The following FGF12 variants were observed in gnomAD, a reference collection of about 807,000 sequenced individuals.
FGF12 encodes fibroblast growth factor 12.
Under a neutral mutation model 23.6 loss-of-function variants are expected in FGF12, and 14 were observed. The observed-to-expected ratio is 0.59, with a 90% CI of 0.39 to 0.93. The LOEUF is 0.93. Among genes scored for constraint, FGF12 ranks in the 40% least tolerant of loss-of-function variants. The pLI is 0.00. For synonymous variants in FGF12, 62 were observed against 77.3 expected, an observed-to-expected ratio of 0.80 and a Z score of 1.04; for missense variants, 175 against 217.8, an observed-to-expected ratio of 0.80 and a Z score of 1.24.
At chr3:192,670,520 G>A (rs1717071764) in intron 2 of FGF12, among the ~76,000 whole-genome samples, 1 of 151,592 alleles carries the variant, frequency 6.6e-6, no homozygotes, top group African/African-American at 2.4e-5. Context: ...TAATAATAAT[G>A]TTGTGAATAA....
intron 2 of FGF12, among the ~76,000 whole-genome samples, chr3:192,671,194 T>TGCAGA (rs923750710): frequency 1.3e-5 from 2 of 152,366 alleles, no homozygotes; most frequent in Non-Finnish European, 2.9e-5. Flanking sequence ...TAGATTATCC[T>TGCAGA]GCAGAGCTTT....
intron 4 of FGF12, among the ~76,000 whole-genome samples, chr3:192,217,849 T>G (rs987899429): frequency 6.6e-6 from 1 of 152,094 alleles, no homozygotes; most frequent in African/African-American, 2.4e-5. Flanking sequence ...CTTTTCTTTT[T>G]TTTTTAGATG....
intron 2 of FGF12, among the ~76,000 whole-genome samples, chr3:192,667,028 T>A (rs1716910290): frequency 6.6e-6 from 1 of 152,030 alleles, no homozygotes; most frequent in South Asian, 2.1e-4. Flanking sequence ...AGGAAAAAAA[T>A]CATGATTCAA....
chr3:192,626,720 C>G (rs1715183421), intron 2 of FGF12, among the ~76,000 whole-genome samples: 3 of 152,134 alleles, frequency 2.0e-5, no homozygotes, highest in Non-Finnish European at 2.9e-5. Context: ...TCAAACGGTC[C>G]TCCCACCTCA....
chr3:192,654,822 A>C lies in FGF12; in HGVS notation c.13+72359T>G, dbSNP rs563284110. 2.6e-5 allele frequency among the ~76,000 whole-genome samples: 4 copies of C among 152,266 alleles called. No homozygotes were observed. In the South Asian group the frequency reaches 8.3e-4, roughly 32 times the overall value. ...TATATTCAACAGAAAGAGTGTCCTC[A>C]TGATATTTCTCTGATAAATGCTAGC... On this transcript the variant is annotated intron_variant, in intron 2 of 5. Transcript: ENST00000445105.
intron 2 of FGF12, among the ~76,000 whole-genome samples, chr3:192,640,795 TTTTGTTTGTTTGTTTG>T (rs139763676): frequency 2.7e-5 from 4 of 150,014 alleles, no homozygotes; most frequent in African/African-American, 7.4e-5. Flanking sequence ...AACCCCTTTT[TTTTGTTTGTTTGTTTG>T]TTTGTTTGTT....
intron 4 of FGF12, among the ~76,000 whole-genome samples, chr3:192,296,268 G>A (rs1483965484): frequency 4.7e-5 from 7 of 149,114 alleles, no homozygotes; most frequent in African/African-American, 1.5e-4. Flanking sequence ...CTGTCACCCA[G>A]GCTGGAGTGC....
intron 3 of FGF12, among the ~76,000 whole-genome samples, chr3:192,337,839 A>C (rs1476968464): frequency 6.6e-6 from 1 of 152,204 alleles, no homozygotes; most frequent in Non-Finnish European, 1.5e-5. Context: ...GTAAAAACTG[A>C]CATATTACCT....
In FGF12 at chr3:192,392,590, CCGAGAG is replaced by C. The variant is rs1289875791; in HGVS notation, c.14-32058_14-32053del. On this transcript the variant is annotated intron_variant, in intron 2 of 5. Coordinates refer to ENST00000445105, the MANE Select transcript of FGF12 (RefSeq NM_004113.6). ...CAGCCTGGGCAACAAAAGTGAAACT[CCGAGAG>C]AGAGAGAGAGAGAGAGAGAGAGAGA... Among the ~76,000 whole-genome samples the C allele has an allele frequency of 3.8e-3, 337 of 89,082 alleles. 2 individuals carry two copies. The highest frequency in any genetic ancestry group is 0.018 in the African/African-American group (314 of 17,932). The allele number at this position is 89,082 out of a possible 152,430, so 58.4% of individuals were successfully genotyped here.
chr3:192,668,307 G>A (rs1477185346), intron 2 of FGF12, among the ~76,000 whole-genome samples: 2 of 152,088 alleles, frequency 1.3e-5, no homozygotes, highest in Non-Finnish European at 2.9e-5. Flanking sequence ...AGCTATAAGC[G>A]GAGACAAAAC....
intron 2 of FGF12, among the ~76,000 whole-genome samples, chr3:192,434,299 T>C (rs1255665249): frequency 6.6e-6 from 1 of 152,164 alleles, no homozygotes; most frequent in Non-Finnish European, 1.5e-5. Context: ...GTGAAGGACA[T>C]CAGCTTTTCC....
At chr3:192,159,427 T>G (rs574621908) in intron 5 of FGF12, among the ~76,000 whole-genome samples, 39 of 152,332 alleles carry the variant, frequency 2.6e-4, no homozygotes, top group Non-Finnish European at 4.9e-4. Context: ...TATTTTATTC[T>G]CCTTTGCAGG....
At chr3:192,524,914 G>A (rs1237491241) in intron 2 of FGF12, among the ~76,000 whole-genome samples, 2 of 151,910 alleles carry the variant, frequency 1.3e-5, no homozygotes, top group Non-Finnish European at 2.9e-5. Context: ...CCATAATCAA[G>A]GCTATTCCAG....
At chr3:192,320,981 G>T (rs1411950733) in intron 4 of FGF12, among the ~76,000 whole-genome samples, 2 of 151,936 alleles carry the variant, frequency 1.3e-5, no homozygotes, top group East Asian at 3.8e-4. Flanking sequence ...AAAGGAATTT[G>T]AAATTTAAAA....
intron 5 of FGF12, among the ~76,000 whole-genome samples, chr3:192,157,187 A>G (rs1328788913): frequency 6.6e-6 from 1 of 152,186 alleles, no homozygotes; most frequent in Non-Finnish European, 1.5e-5. Context: ...TGTGAGATAG[A>G]CAGTAGTTAC....
chr3:192,235,621 C>T (rs1047843721), intron 4 of FGF12, among the ~76,000 whole-genome samples: 1 of 152,222 alleles, frequency 6.6e-6, no homozygotes, highest in East Asian at 1.9e-4. Context: ...TGCACTTGGC[C>T]TCTTCTAGGT....
At chr3:192,263,270 T>A (rs949816376) in intron 4 of FGF12, among the ~76,000 whole-genome samples, 1 of 152,106 alleles carries the variant, frequency 6.6e-6, no homozygotes, top group African/African-American at 2.4e-5. Flanking sequence ...AACAATTATT[T>A]AGTATCAAGG....
chr3:192,206,131 A>T (rs1717638893), intron 4 of FGF12, among the ~76,000 whole-genome samples: 1 of 152,224 alleles, frequency 6.6e-6, no homozygotes, highest in Admixed American at 6.5e-5. Flanking sequence ...GCAATGCCAT[A>T]GACATCACTC....
chr3:192,416,045 TG>T (rs1375103431), intron 2 of FGF12, among the ~76,000 whole-genome samples: 1 of 152,058 alleles, frequency 6.6e-6, no homozygotes, highest in Non-Finnish European at 1.5e-5. Context: ...ACCCAGCACA[TG>T]ACTGACACTC....
Sources: gnomAD v4.1 joint callset for allele counts (sites outside exome capture counted in the v4.1 genomes callset) on GRCh38, gnomAD v4.1.1 for gene constraint, MANE v1.5 for transcripts, NCBI Gene and HGNC (gene_info 2026-07-23, HGNC 2026-07-21) for gene names.